NTN1: variants seen among roughly 807,000 people sequenced by gnomAD.
NTN1 encodes netrin-1.
Under a neutral mutation model 54.2 loss-of-function variants are expected in NTN1, and 11 were observed. That is an observed-to-expected ratio of 0.20 (90% CI 0.13 to 0.34). The LOEUF is 0.34. Ranked by LOEUF, NTN1 falls within the 10% of genes least tolerant of loss-of-function variation. The pLI, the probability that NTN1 is intolerant of heterozygous loss-of-function variation, is 1.00. For missense variants in NTN1, 740 were observed against 893.1 expected, an observed-to-expected ratio of 0.83 and a Z score of 2.18; for synonymous variants, 371 against 382.0, an observed-to-expected ratio of 0.97 and a Z score of 0.33.
In NTN1 at chr17:9,211,749, T is replaced by G. The variant is rs1473798479; in HGVS notation, c.1412-9419T>G. ...TTGCTAGGCAGAAGCGCTATATTCTTGTTGGTTTATGTTTTGTTTCTTTGA... is the reference window on the plus strand; with the variant it reads ...TTGCTAGGCAGAAGCGCTATATTCTGGTTGGTTTATGTTTTGTTTCTTTGA... On this transcript the variant is annotated intron_variant, in intron 5 of 6. Transcript: ENST00000173229. This position sits in a 1 kb window ranked among gnomAD's most constrained non-coding sequence, Gnocchi z 4.4. 1.3e-5 allele frequency among the ~76,000 whole-genome samples: 2 copies of G among 152,186 alleles called. No individual in the cohort carries two copies. Among genetic ancestry groups the G allele is most frequent in the Non-Finnish European group, 2.9e-5 (2 of 68,028 alleles).
At chr17:9,203,163 C>T (rs971864466) in intron 5 of NTN1, among the ~76,000 whole-genome samples, 4 of 152,006 alleles carry the variant, frequency 2.6e-5, no homozygotes, top group East Asian at 2.0e-4. Context: ...CCTCGTGATC[C>T]GCCTGCCTTG....
intron 2 of NTN1, among the ~76,000 whole-genome samples, chr17:9,056,979 C>T (rs1474456161): frequency 6.6e-6 from 1 of 152,112 alleles, no homozygotes; most frequent in South Asian, 2.1e-4. Flanking sequence ...ACAGAGGCCC[C>T]CCTGTGATGT....
chr17:9,052,907 T>C (rs1204622814), intron 2 of NTN1, among the ~76,000 whole-genome samples: 1 of 152,234 alleles, frequency 6.6e-6, no homozygotes, highest in Non-Finnish European at 1.5e-5. Context: ...TCTCTGTCCC[T>C]GTGGCAGCTC....
chr17:9,188,477 TA>T (rs869287478), intron 5 of NTN1, among the ~76,000 whole-genome samples: 1 of 26,754 alleles, frequency 3.7e-5, no homozygotes, highest in Non-Finnish European at 6.6e-5. Flanking sequence ...TTGCCACAAT[TA>T]AAAAATAAAA....
At chr17:9,204,837 G>T (rs1349464672) in intron 5 of NTN1, among the ~76,000 whole-genome samples, 3 of 152,222 alleles carry the variant, frequency 2.0e-5, no homozygotes, top group African/African-American at 7.2e-5. Context: ...TGCTGTGGTT[G>T]ATTAGTGATG....
rs539380000 is a variant in NTN1 at position 9,059,090 on chromosome 17, G to A, written c.1018+35699G>A. Among the ~76,000 whole-genome samples, 94 of 152,298 alleles carry A rather than the reference G, an allele frequency of 6.2e-4. 1 individual carries two copies. In the South Asian group the frequency reaches 0.019, roughly 31 times the overall value. On this transcript the variant is annotated intron_variant, in intron 2 of 6. Transcript: ENST00000173229. ...TGCATAGAATAGCACCTGGTACACA[G>A]TAAGCCCTCTATATTATCATTCATG...
chr17:9,111,300 G>A (rs2092189702), intron 2 of NTN1, among the ~76,000 whole-genome samples: 1 of 152,146 alleles, frequency 6.6e-6, no homozygotes, highest in African/African-American at 2.4e-5. Context: ...GTCCAAATAA[G>A]GTCACGTTTA....
Position 9,221,304 on chromosome 17 carries a change from G to A in NTN1, c.1486+62G>A. 1.5e-6 allele frequency: 2 copies of A among 1,356,400 alleles called. No homozygotes were observed. The highest frequency in any genetic ancestry group is 2.3e-5 in the South Asian group (2 of 85,986). 84.0% of individuals were successfully genotyped at this position (1,356,400 alleles called of 1,614,324 possible). Reference sequence around the variant, plus strand: ...GGGGCCACGTGACCAGCGAGGTGCTGGGGCTGGGGTGCAGCTGGCCCCCGA... The same window carrying A: ...GGGGCCACGTGACCAGCGAGGTGCTAGGGCTGGGGTGCAGCTGGCCCCCGA... On this transcript the variant is annotated intron_variant, in intron 6 of 6. Coordinates refer to ENST00000173229, the MANE Select transcript of NTN1 (RefSeq NM_004822.3). This position sits in a 1 kb window ranked among gnomAD's most constrained non-coding sequence, Gnocchi z 4.5.
At chr17:9,176,729 A>G (rs2092401117) in intron 3 of NTN1, 1 of 152,238 alleles carries the variant, frequency 6.6e-6, no homozygotes, top group Non-Finnish European at 1.5e-5. Flanking sequence ...GAAAACCCAC[A>G]TCATATTATA....
At chr17:9,177,866 T>G (rs1485720891) in intron 3 of NTN1, 3 of 152,272 alleles carry the variant, frequency 2.0e-5, no homozygotes, top group African/African-American at 7.2e-5. Flanking sequence ...AACTTGAATT[T>G]AGGGTACATC....
intron 2 of NTN1, among the ~76,000 whole-genome samples, chr17:9,140,329 C>A (rs1389492361): frequency 6.6e-6 from 1 of 152,188 alleles, no homozygotes; most frequent in South Asian, 2.1e-4. Context: ...GCACCCCCTG[C>A]CCTGGTGCTG....
intron 2 of NTN1, among the ~76,000 whole-genome samples, chr17:9,127,045 G>A (rs1338359972): frequency 6.7e-6 from 1 of 148,526 alleles, no homozygotes; most frequent in Admixed American, 6.7e-5. Flanking sequence ...TCAGAGCAGT[G>A]GGCAGGAGTG....
intron 4 of NTN1, among the ~76,000 whole-genome samples, chr17:9,182,278 C>T (rs577541373): frequency 1.8e-4 from 28 of 152,356 alleles, no homozygotes; most frequent in African/African-American, 6.5e-4. Flanking sequence ...GCCCCTGCAC[C>T]TGGCCAGAGT....
At chr17:9,051,096 G>T (rs1205089802) in intron 2 of NTN1, among the ~76,000 whole-genome samples, 1 of 152,150 alleles carries the variant, frequency 6.6e-6, no homozygotes, top group Non-Finnish European at 1.5e-5. Flanking sequence ...GCAGGCAGAG[G>T]ACACCCTGGG....
At chr17:9,153,822 C>G (rs1597508149) in intron 2 of NTN1, among the ~76,000 whole-genome samples, 2 of 152,170 alleles carry the variant, frequency 1.3e-5, no homozygotes, top group African/African-American at 4.8e-5. Context: ...CTCTGGAACT[C>G]CAGAGAGTCC....
rs910919582 is a variant in NTN1, at chr17:9,242,160, T to G, written c.*2192T>G. 6.6e-6 allele frequency: 1 copy of G among 152,416 alleles called. No individual in the cohort carries two copies. Among genetic ancestry groups the G allele is most frequent in the African/African-American group, 2.4e-5 (1 of 41,388 alleles). The allele number at this position is 152,416 out of a possible 1,614,324, so 9.4% of individuals were successfully genotyped here. ...ATGCTCCGAAGAGGTGGTAGAAAGGTGTTTTTAGAAAGGTGTTTTGGCTGC... is the reference window on the plus strand; with the variant it reads ...ATGCTCCGAAGAGGTGGTAGAAAGGGGTTTTTAGAAAGGTGTTTTGGCTGC... On this transcript the variant is annotated 3_prime_UTR_variant, in exon 7 of 7. Coordinates refer to ENST00000173229, the MANE Select transcript of NTN1 (RefSeq NM_004822.3).
intron 2 of NTN1, among the ~76,000 whole-genome samples, chr17:9,054,326 A>C (rs755577158): frequency 6.6e-6 from 1 of 152,172 alleles, no homozygotes; most frequent in Non-Finnish European, 1.5e-5. Flanking sequence ...GGCCTGCCCG[A>C]GGCATGGAAA....
chr17:9,062,041 G>A (rs1213962221), intron 2 of NTN1, among the ~76,000 whole-genome samples: 1 of 152,172 alleles, frequency 6.6e-6, no homozygotes, highest in African/African-American at 2.4e-5. Context: ...TGATGAAATG[G>A]CGTAAACGAT....
intron 2 of NTN1, among the ~76,000 whole-genome samples, chr17:9,139,165 T>G (rs1033037453): frequency 1.3e-5 from 2 of 152,000 alleles, no homozygotes; most frequent in Admixed American, 1.3e-4. Context: ...GGGAAGGTTG[T>G]GGGGGCCTTG....
Sources: allele counts gnomAD v4.1 joint callset (sites outside exome capture counted in the v4.1 genomes callset), GRCh38; gene constraint gnomAD v4.1.1; non-coding constraint Gnocchi (gnomAD v3.1); transcripts MANE v1.5; gene names NCBI Gene and HGNC (gene_info 2026-07-23, HGNC 2026-07-21).